The following ANO3 variants were observed in gnomAD, a reference collection of about 807,000 sequenced individuals.
The protein encoded by ANO3 is anoctamin-3.
A neutral mutation model predicts 144.8 loss-of-function variants in ANO3; 99 were observed. The ratio of observed to expected loss-of-function variants is 0.68; its 90% CI spans 0.58 to 0.81. ANO3 has a LOEUF of 0.81. Ranked by LOEUF, ANO3 falls within the 30% of genes least tolerant of loss-of-function variation. ANO3 has a pLI of 0.00. For missense variants in ANO3, 905 were observed against 1,202.2 expected (o/e 0.75, Z 3.66); for synonymous variants, 414 against 392.6 (o/e 1.05, Z -0.64).
intron 1 of ANO3, among the ~76,000 whole-genome samples, chr11:26,321,643 G>A (rs1590258727): frequency 6.6e-6 from 1 of 151,998 alleles, no homozygotes; most frequent in Non-Finnish European, 1.5e-5. Flanking sequence ...ATCTGGCCAT[G>A]TGATTCTGGG....
At chr11:26,441,619 ATTG>A (rs1450719464) in intron 1 of ANO3, among the ~76,000 whole-genome samples, 2 of 152,204 alleles carry the variant, frequency 1.3e-5, no homozygotes, top group East Asian at 1.9e-4. Context: ...TATCCAAATA[ATTG>A]TTGTCATAAT....
At chr11:26,562,998 A>T in intron 14 of ANO3, 1 of 1,378,846 alleles carries the variant, frequency 7.3e-7, no homozygotes, top group East Asian at 2.5e-5. Flanking sequence ...ATAAGTCTTT[A>T]GTTTGTTCAT....
intron 26 of ANO3, among the ~76,000 whole-genome samples, chr11:26,656,999 C>T (rs187821973): frequency 6.6e-6 from 1 of 152,060 alleles, no homozygotes; most frequent in East Asian, 1.9e-4. Context: ...GATTGTAATC[C>T]TGTGAAGAAA....
intron 1 of ANO3, among the ~76,000 whole-genome samples, chr11:26,235,269 T>C (rs1253881940): frequency 6.6e-6 from 1 of 152,200 alleles, no homozygotes; most frequent in African/African-American, 2.4e-5. Flanking sequence ...TATATTCCCA[T>C]ATACAAGACT....
rs533563401 is a variant in ANO3 at position 26,424,627 on chromosome 11, A to G, written c.47-17291A>G. Among the ~76,000 whole-genome samples the G allele has an allele frequency of 6.6e-5, 10 of 152,184 alleles. No homozygotes were observed. The South Asian group carries it at 2.1e-3, about 31-fold the overall frequency. On this transcript the variant is annotated intron_variant, in intron 1 of 26. Transcript: ENST00000256737. Reference sequence around the variant, plus strand: ...GTCTGTTCTGCTAGAGTAACAGGCTATTCTCAACCAGGGCTCGGAAATAGA... The same window carrying G: ...GTCTGTTCTGCTAGAGTAACAGGCTGTTCTCAACCAGGGCTCGGAAATAGA...
At chr11:26,215,982 G>GT (rs1193996037) in intron 1 of ANO3, among the ~76,000 whole-genome samples, 1 of 151,836 alleles carries the variant, frequency 6.6e-6, no homozygotes, top group African/African-American at 2.4e-5. Flanking sequence ...TATTTATACT[G>GT]TTTTTTATAT....
intron 1 of ANO3, among the ~76,000 whole-genome samples, chr11:26,213,905 A>C (rs1851984500): frequency 6.6e-6 from 1 of 152,032 alleles, no homozygotes; most frequent in Admixed American, 6.6e-5. Context: ...AAATCATTGA[A>C]GTTTAGTTAT....
intron 4 of ANO3, among the ~76,000 whole-genome samples, chr11:26,493,166 T>G (rs963128980): frequency 1.3e-5 from 2 of 152,198 alleles, no homozygotes; most frequent in African/African-American, 4.8e-5. Context: ...ATTATTTTGT[T>G]AAGTTATATA....
At chr11:26,539,093 A>G (rs974526703) in intron 10 of ANO3, among the ~76,000 whole-genome samples, 1 of 151,126 alleles carries the variant, frequency 6.6e-6, no homozygotes, top group Non-Finnish European at 1.5e-5. Flanking sequence ...TGTCTTGTGG[A>G]GTTTGGTGTG....
intron 1 of ANO3, among the ~76,000 whole-genome samples, chr11:26,264,921 G>A (rs1321807441): frequency 6.6e-6 from 1 of 151,828 alleles, no homozygotes; most frequent in Non-Finnish European, 1.5e-5. Flanking sequence ...AAATATAGGG[G>A]AGACACAATC....
intron 10 of ANO3, among the ~76,000 whole-genome samples, chr11:26,540,471 A>G (rs1849615249): frequency 6.6e-6 from 1 of 152,170 alleles, no homozygotes; most frequent in Non-Finnish European, 1.5e-5. Flanking sequence ...TAATTAAACT[A>G]AAGAGCTTCT....
At chr11:26,587,268 G>T (rs894665087) in intron 14 of ANO3, among the ~76,000 whole-genome samples, 12 of 152,094 alleles carry the variant, frequency 7.9e-5, no homozygotes, top group African/African-American at 2.9e-4. Context: ...TTGAAATTTG[G>T]GTGTGTCTAG....
At chr11:26,583,825 A>G (rs1851200284) in intron 14 of ANO3, among the ~76,000 whole-genome samples, 1 of 152,198 alleles carries the variant, frequency 6.6e-6, no homozygotes, top group South Asian at 2.1e-4. Flanking sequence ...GGTGCTGTCC[A>G]AACTGGCAAT....
intron 1 of ANO3, among the ~76,000 whole-genome samples, chr11:26,371,984 A>G (rs1343185440): frequency 6.6e-6 from 1 of 152,188 alleles, no homozygotes; most frequent in Non-Finnish European, 1.5e-5. Context: ...TTAGGAGGGC[A>G]TTATTGTGTT....
At chr11:26,420,535 T>A (rs907120675) in intron 1 of ANO3, among the ~76,000 whole-genome samples, 1 of 152,080 alleles carries the variant, frequency 6.6e-6, no homozygotes, top group Non-Finnish European at 1.5e-5. Context: ...TAGATGTAGA[T>A]AAGAGAGAGG....
intron 5 of ANO3, among the ~76,000 whole-genome samples, chr11:26,516,464 T>C (rs1196615704): frequency 6.6e-6 from 1 of 151,804 alleles, no homozygotes; most frequent in Non-Finnish European, 1.5e-5. Context: ...ACTGGCAGTG[T>C]TTTCTTCCCC....
Position 26,565,486 on chromosome 11 carries a change from G to A in ANO3, c.1447+5707G>A, listed in dbSNP as rs760627011. On this transcript the variant is annotated intron_variant, in intron 14 of 26. Coordinates refer to ENST00000256737, the MANE Select transcript of ANO3 (RefSeq NM_031418.4). ...GGCAAAAGATCTTCATCTGCTATAGGTGCATTCCAAGGCACTTTAGAAACA... is the reference window on the plus strand; with the variant it reads ...GGCAAAAGATCTTCATCTGCTATAGATGCATTCCAAGGCACTTTAGAAACA... 10 of 1,613,350 alleles carry A rather than the reference G, an allele frequency of 6.2e-6. No individual in the cohort carries two copies. In the East Asian group the frequency reaches 2.2e-4, roughly 36 times the overall value.
intron 14 of ANO3, among the ~76,000 whole-genome samples, chr11:26,574,155 C>T (rs139882016): frequency 9.9e-5 from 15 of 152,256 alleles, no homozygotes; most frequent in Non-Finnish European, 2.1e-4. Context: ...TTTCATCTGG[C>T]ACTCACCAAT....
chr11:26,495,507 A>G (rs1403706184), intron 4 of ANO3, among the ~76,000 whole-genome samples: 1 of 152,154 alleles, frequency 6.6e-6, no homozygotes, highest in Admixed American at 6.5e-5. Context: ...TTTCCATGCC[A>G]GCTTTCCAAA....
Sources: allele counts gnomAD v4.1 joint callset (sites outside exome capture counted in the v4.1 genomes callset), GRCh38; gene constraint gnomAD v4.1.1; transcripts MANE v1.5; gene names NCBI Gene and HGNC (gene_info 2026-07-23, HGNC 2026-07-21).